The following SH3BGRL2 variants were observed in gnomAD, a reference collection of about 807,000 sequenced individuals.
SH3BGRL2 encodes the protein SH3 domain binding glutamate rich protein like 2, also known as SH3 domain-binding glutamic acid-rich-like protein 2.
In SH3BGRL2, 21 loss-of-function variants were observed where a neutral mutation model predicts 14.8. The ratio of observed to expected loss-of-function variants is 1.42; its 90% confidence interval spans 1.01 to 2.05. SH3BGRL2 has a LOEUF of 2.05. Ranked by LOEUF, SH3BGRL2 falls within the 30% of genes most tolerant of loss-of-function variation. The pLI, the probability that SH3BGRL2 is intolerant of heterozygous loss-of-function variation, is 0.00. For synonymous variants in SH3BGRL2, 50 were observed against 47.8 expected (o/e 1.05, Z -0.19); for missense variants, 147 against 130.8 (o/e 1.12, Z -0.61).
At chr6:79,569,177 C>G in the SH3BGRL2 span, among the ~76,000 whole-genome samples, 34 of 152,260 alleles carry the variant, frequency 2.2e-4, no homozygotes, top group East Asian at 4.8e-3. Flanking sequence ...GTGGATAGTT[C>G]AAGGTCATAA....
intron 2 of SH3BGRL2, among the ~76,000 whole-genome samples, chr6:79,681,071 C>CT (rs956800162): frequency 6.6e-6 from 1 of 152,092 alleles, no homozygotes; most frequent in Non-Finnish European, 1.5e-5. Flanking sequence ...AGTGGCTAAT[C>CT]AGATAGTCAA....
At chr6:79,682,707 A>T (rs1770011759) in intron 2 of SH3BGRL2, among the ~76,000 whole-genome samples, 2 of 152,230 alleles carry the variant, frequency 1.3e-5, no homozygotes, top group African/African-American at 4.8e-5. Flanking sequence ...GCAAGACTTA[A>T]TATTTTTAAT....
chr6:79,540,631 G>GT, the SH3BGRL2 span, among the ~76,000 whole-genome samples: 53 of 151,194 alleles, frequency 3.5e-4, no homozygotes, highest in East Asian at 1.4e-3. Context: ...AAATGTACGA[G>GT]TTTTTTTTTG....
At chr6:79,657,171 T>A (rs193023338) in intron 1 of SH3BGRL2, among the ~76,000 whole-genome samples, 3 of 152,114 alleles carry the variant, frequency 2.0e-5, no homozygotes, top group Admixed American at 1.3e-4. Flanking sequence ...TTTTTTTTTT[T>A]AAATCAAGAG....
At chr6:79,695,194 A>G (rs980562185) in intron 2 of SH3BGRL2, among the ~76,000 whole-genome samples, 2 of 152,150 alleles carry the variant, frequency 1.3e-5, no homozygotes, top group Non-Finnish European at 2.9e-5. Context: ...TTCAAAGAAG[A>G]CTTGGCCAAA....
chr6:79,583,690 C>T, the SH3BGRL2 span, among the ~76,000 whole-genome samples: 1 of 152,256 alleles, frequency 6.6e-6, no homozygotes, highest in South Asian at 2.1e-4. Flanking sequence ...AAATGATGAG[C>T]TGATGGGTGC....
At chr6:79,563,484 G>A in the SH3BGRL2 span, among the ~76,000 whole-genome samples, 2 of 152,014 alleles carry the variant, frequency 1.3e-5, no homozygotes, top group Non-Finnish European at 2.9e-5. Context: ...GCTTAGTAAA[G>A]TGACTTGTTT....
chr6:79,631,443 T>A lies in SH3BGRL2; in HGVS notation c.-19T>A. On this transcript the variant is annotated 5_prime_UTR_variant, in exon 1 of 4. Coordinates refer to ENST00000369838, the MANE Select transcript of SH3BGRL2 (RefSeq NM_031469.4). ...CGGAGCCCGGGGGGCAAGGGGTCTG[T>A]CCCGGGCGCAGCGAGAGGATGGTCA... is the stretch of plus-strand genomic sequence containing the variant. 6.6e-7 allele frequency: 1 copy of A among 1,518,008 alleles called. No homozygotes were observed. The highest frequency in any genetic ancestry group is 8.8e-7 in the Non-Finnish European group (1 of 1,132,898). The allele number at this position is 1,518,008 out of a possible 1,614,324, so 94.0% of individuals were successfully genotyped here.
chr6:79,575,931 T>C, the SH3BGRL2 span, among the ~76,000 whole-genome samples: 1 of 152,004 alleles, frequency 6.6e-6, no homozygotes, highest in South Asian at 2.1e-4. Context: ...TTTTTAATTT[T>C]CTTTGGGATA....
the SH3BGRL2 span, among the ~76,000 whole-genome samples, chr6:79,538,151 T>TA: frequency 0.51 from 74,687 of 147,392 alleles, 20,114 homozygotes; most frequent in East Asian, 0.82. Context: ...ACAGGGAAGG[T>TA]AAAAAAAAAT....
intron 2 of SH3BGRL2, among the ~76,000 whole-genome samples, chr6:79,686,211 A>G (rs2127736998): frequency 6.6e-6 from 1 of 152,316 alleles, no homozygotes; most frequent in South Asian, 2.1e-4. Flanking sequence ...TTTCATCAGT[A>G]TGTGCCTTTA....
chr6:79,565,777 G>A, the SH3BGRL2 span, among the ~76,000 whole-genome samples: 1 of 152,176 alleles, frequency 6.6e-6, no homozygotes, highest in African/African-American at 2.4e-5. Flanking sequence ...CTGGTACAGT[G>A]CATATTTGAG....
the SH3BGRL2 span, among the ~76,000 whole-genome samples, chr6:79,576,329 A>G: frequency 6.6e-6 from 1 of 152,124 alleles, no homozygotes; most frequent in African/African-American, 2.4e-5. Context: ...TTCCTTCTTC[A>G]GAAGTGCTTC....
At chr6:79,685,015 C>A (rs981634601) in intron 2 of SH3BGRL2, among the ~76,000 whole-genome samples, 3 of 152,198 alleles carry the variant, frequency 2.0e-5, no homozygotes, top group African/African-American at 7.2e-5. Context: ...GGAAGCACAG[C>A]AATGTAATTA....
chr6:79,587,066 T>TC, the SH3BGRL2 span, among the ~76,000 whole-genome samples: 1 of 152,120 alleles, frequency 6.6e-6, no homozygotes, highest in South Asian at 2.1e-4. Context: ...CTGAATGAAC[T>TC]CCCCCCAGTG....
chr6:79,607,047 C>G, the SH3BGRL2 span, among the ~76,000 whole-genome samples: 1 of 152,170 alleles, frequency 6.6e-6, no homozygotes, highest in Non-Finnish European at 1.5e-5. Flanking sequence ...ACCAGAACCC[C>G]ATTTGCCTTT....
At chr6:79,653,405 C>G (rs1255346453) in intron 1 of SH3BGRL2, among the ~76,000 whole-genome samples, 3 of 152,024 alleles carry the variant, frequency 2.0e-5, no homozygotes, top group African/African-American at 7.2e-5. Context: ...TAATTGCTTA[C>G]CCTGGAACCA....
intron 1 of SH3BGRL2, among the ~76,000 whole-genome samples, chr6:79,646,898 CTG>C (rs1364258147): frequency 1.1e-4 from 17 of 152,300 alleles, no homozygotes; most frequent in African/African-American, 3.8e-4. Flanking sequence ...GAATAATACT[CTG>C]TGGTATGAAT....
At chr6:79,588,289 T>A in the SH3BGRL2 span, among the ~76,000 whole-genome samples, 16 of 124,006 alleles carry the variant, frequency 1.3e-4, no homozygotes, top group South Asian at 2.8e-4. Context: ...AGACTCTGTC[T>A]AAAAAAAAAA....
Sources: allele counts gnomAD v4.1 joint callset (sites outside exome capture counted in the v4.1 genomes callset), GRCh38; gene constraint gnomAD v4.1.1; transcripts MANE v1.5; gene names NCBI Gene and HGNC (gene_info 2026-07-23, HGNC 2026-07-21).